CLOCK: variants seen among roughly 807,000 people sequenced by gnomAD.
CLOCK encodes clock circadian regulator.
A neutral mutation model predicts 118.4 loss-of-function variants in CLOCK; 43 were observed. The observed-to-expected ratio is 0.36, with a 90% confidence interval of 0.28 to 0.47. The LOEUF (loss-of-function observed/expected upper bound fraction) is 0.47, where lower values mean the gene tolerates loss of function less well. CLOCK is among the 20% of genes least tolerant of loss of function. The pLI is 1.00. For synonymous variants in CLOCK, 326 were observed against 339.2 expected, an observed-to-expected ratio of 0.96 and a Z score of 0.43; for missense variants, 846 against 999.9, an observed-to-expected ratio of 0.85 and a Z score of 2.08.
intron 3 of CLOCK, among the ~76,000 whole-genome samples, chr4:55,486,987 C>A (rs764438413): frequency 8.5e-5 from 13 of 152,120 alleles, no homozygotes; most frequent in Non-Finnish European, 1.8e-4. Flanking sequence ...CATTGGAGAT[C>A]CTGGACAGTT....
At chr4:55,545,010 G>C (rs1260623971) in intron 1 of CLOCK, among the ~76,000 whole-genome samples, 1 of 149,004 alleles carries the variant, frequency 6.7e-6, no homozygotes, top group African/African-American at 2.5e-5. Context: ...AACTGATTAC[G>C]CCTAGCTTTA....
intron 11 of CLOCK, among the ~76,000 whole-genome samples, chr4:55,456,571 A>T (rs1165280531): frequency 6.6e-6 from 1 of 152,184 alleles, no homozygotes; most frequent in Admixed American, 6.5e-5. Context: ...CTGAGGCAGC[A>T]GGATCACTTG....
At chr4:55,441,048 C>T (rs1466100973) in intron 21 of CLOCK, among the ~76,000 whole-genome samples, 2 of 152,182 alleles carry the variant, frequency 1.3e-5, no homozygotes, top group Non-Finnish European at 2.9e-5. Context: ...ATTCATCACC[C>T]CAAACAATAC....
At chr4:55,504,896 G>C (rs948527752) in intron 2 of CLOCK, among the ~76,000 whole-genome samples, 2 of 151,886 alleles carry the variant, frequency 1.3e-5, no homozygotes, top group Non-Finnish European at 2.9e-5. Flanking sequence ...GCAAAGAATC[G>C]CAGAACAGGC....
At chr4:55,482,910 T>G in intron 3 of CLOCK, 82 bp from the exon 4 acceptor site, 1 of 635,872 alleles carries the variant, frequency 1.6e-6, no homozygotes, top group Non-Finnish European at 2.7e-6. Context: ...ATACTATATG[T>G]TATCACAGAG....
chr4:55,504,147 G>A (rs1291275757), intron 2 of CLOCK, among the ~76,000 whole-genome samples: 5 of 151,312 alleles, frequency 3.3e-5, no homozygotes, highest in African/African-American at 1.2e-4. Context: ...TTAGCTGGGT[G>A]TGGTGGCAGG....
chr4:55,450,978 G>A (rs981384614), intron 15 of CLOCK, among the ~76,000 whole-genome samples: 1 of 151,080 alleles, frequency 6.6e-6, no homozygotes, highest in African/African-American at 2.4e-5. Flanking sequence ...CTTCACCAAT[G>A]TTTCTTTCTC....
At chr4:55,470,828 T>C (rs752404148) in intron 7 of CLOCK, 22 bp from the exon 8 acceptor site, 5 of 1,525,420 alleles carry the variant, frequency 3.3e-6, no homozygotes, top group Non-Finnish European at 4.5e-6. Flanking sequence ...CATAATGATA[T>C]GTTAAATGAA....
rs1383220836 is a variant in CLOCK, at chr4:55,442,518, T to C, written c.2019A>G (p.Gly673=). 1 of 1,609,824 alleles carries C rather than the reference T, an allele frequency of 6.2e-7. No homozygotes were observed. Among genetic ancestry groups the C allele is most frequent in the South Asian group, 1.1e-5 (1 of 90,638 alleles). The change falls in exon 21 of 23, where the codon GGA becomes GGG. Residue 673 remains glycine, a synonymous_variant. Coordinates refer to ENST00000513440, the MANE Select transcript of CLOCK (RefSeq NM_004898.4). ...TACTAGATGGAATCTGGACCATGCT[T>C]CCGGCTGCAGGCTGAGAAATCACCA... ...NTMVISQPAA[G]SMVQIPSSMP...
intron 1 of CLOCK, among the ~76,000 whole-genome samples, chr4:55,543,417 TTCCGTTTTC>T (rs1731408580): frequency 6.6e-6 from 1 of 152,118 alleles, no homozygotes; most frequent in Admixed American, 6.6e-5. Context: ...TTCAAGATGA[TTCCGTTTTC>T]AAGGCTGAAA....
At chr4:55,537,881 G>C (rs778597171) in intron 1 of CLOCK, among the ~76,000 whole-genome samples, 1 of 152,120 alleles carries the variant, frequency 6.6e-6, no homozygotes, top group Non-Finnish European at 1.5e-5. Context: ...AATGACCTCA[G>C]CTTCTATCTT....
In CLOCK at chr4:55,448,666, T is replaced by C. The variant is rs1724150905; in HGVS notation, c.1539+113A>G. The stretch of plus-strand genomic sequence containing the variant: ...TGTGCTCCTACCTCAGCCTCCCAAG[T>C]AGCTGTGGCTACAGGTGCTTGCCAG... On this transcript the variant is annotated intron_variant, in intron 18 of 22. Transcript: ENST00000513440. 9 of 649,150 alleles carry C rather than the reference T, an allele frequency of 1.4e-5. No individual in the cohort carries two copies. In the South Asian group the frequency reaches 1.4e-4, roughly 10 times the overall value. The allele number at this position is 649,150 out of a possible 1,614,324, so 40.2% of individuals were successfully genotyped here.
At chr4:55,535,317 A>T (rs1376791742) in intron 1 of CLOCK, among the ~76,000 whole-genome samples, 1 of 152,208 alleles carries the variant, frequency 6.6e-6, no homozygotes, top group East Asian at 1.9e-4. Flanking sequence ...AATCAATTTT[A>T]AAAAATATAC....
intron 21 of CLOCK, among the ~76,000 whole-genome samples, chr4:55,441,034 AAGTATTCATCACC>A (rs1723326994): frequency 6.6e-6 from 1 of 152,222 alleles, no homozygotes; most frequent in African/African-American, 2.4e-5. Context: ...AAGACCTCTG[AAGTATTCATCACC>A]CCAAACAATA....
intron 2 of CLOCK, among the ~76,000 whole-genome samples, chr4:55,505,784 T>C (rs1728758004): frequency 1.3e-5 from 2 of 150,484 alleles, no homozygotes; most frequent in African/African-American, 4.9e-5. Flanking sequence ...AAGTTAAGAA[T>C]AGTTCAAAGA....
chr4:55,459,658 G>A (rs1282975714), intron 9 of CLOCK, among the ~76,000 whole-genome samples: 1 of 151,946 alleles, frequency 6.6e-6, no homozygotes, highest in African/African-American at 2.4e-5. Flanking sequence ...ACACCTTTGG[G>A]TCCTTACTTT....
intron 1 of CLOCK, among the ~76,000 whole-genome samples, chr4:55,523,921 T>C (rs1268486223): frequency 6.6e-6 from 1 of 152,222 alleles, no homozygotes; most frequent in Non-Finnish European, 1.5e-5. Flanking sequence ...TCAATTAAAA[T>C]GAGCAATCCA....
At chr4:55,516,428 C>T (rs1181316865) in intron 1 of CLOCK, among the ~76,000 whole-genome samples, 4 of 152,156 alleles carry the variant, frequency 2.6e-5, no homozygotes, top group Non-Finnish European at 4.4e-5. Context: ...GAGAACTGAC[C>T]CATTTATCAT....
At chr4:55,476,151 T>C in intron 6 of CLOCK, 97 bp from the exon 7 acceptor site, 1 of 814,430 alleles carries the variant, frequency 1.2e-6, no homozygotes. Context: ...TAATTAAAGA[T>C]GACAACCGTA....
Sources: gnomAD v4.1 joint callset for allele counts (sites outside exome capture counted in the v4.1 genomes callset) on GRCh38, gnomAD v4.1.1 for gene constraint, MANE v1.5 for transcripts, NCBI Gene and HGNC (gene_info 2026-07-23, HGNC 2026-07-21) for gene names.